Variants in LTBP2 observed in about 807,000 individuals in gnomAD.
LTBP2 encodes the protein latent-transforming growth factor beta-binding protein 2.
A neutral mutation model predicts 210.6 loss-of-function variants in LTBP2; 103 were observed. That is an observed-to-expected ratio of 0.49 (90% confidence interval 0.42 to 0.58). LTBP2 has a LOEUF of 0.58. Among genes scored for constraint, LTBP2 ranks in the 20% least tolerant of loss-of-function variants. The pLI is 0.00. For synonymous variants in LTBP2, 1,007 were observed against 1,015.0 expected, an observed-to-expected ratio of 0.99 and a Z score of 0.15; for missense variants, 2,313 against 2,494.5, an observed-to-expected ratio of 0.93 and a Z score of 1.55.
In LTBP2 at chr14:74,586,640, G is replaced by A. The variant is rs1192859523; in HGVS notation, c.566-522C>T. Among the ~76,000 whole-genome samples the A allele has an allele frequency of 6.6e-6, 1 of 152,186 alleles. No homozygotes were observed. Among genetic ancestry groups the A allele is most frequent in the Non-Finnish European group, 1.5e-5 (1 of 68,038 alleles). On this transcript the variant is annotated intron_variant, in intron 2 of 35. Coordinates refer to ENST00000261978, the MANE Select transcript of LTBP2 (RefSeq NM_000428.3). The surrounding 1 kb of genome is among the most constrained non-coding windows in gnomAD (Gnocchi z 4.6). ...TTTCCTGTCACTTGTGAGCTGCATG[G>A]TCTTGACTTCACTGAGCCTCTATTT...
chr14:74,550,045 A>G (rs1595269177), intron 7 of LTBP2, 80 bp from the exon 8 acceptor site: 1 of 937,636 alleles, frequency 1.1e-6, no homozygotes, highest in East Asian at 2.4e-5. Flanking sequence ...GGGAAAGCCT[A>G]GGACACAGAG....
chr14:74,573,670 A>G (rs1313144836), intron 3 of LTBP2, among the ~76,000 whole-genome samples: 2 of 152,206 alleles, frequency 1.3e-5, no homozygotes, highest in Admixed American at 1.3e-4. Flanking sequence ...ATACTCCACC[A>G]TTATTCATTG....
At chr14:74,551,489 G>A in intron 6 of LTBP2, 139 bp from the exon 7 acceptor site, 1 of 857,624 alleles carries the variant, frequency 1.2e-6, no homozygotes, top group Non-Finnish European at 1.7e-6. Flanking sequence ...CCATTTCTTT[G>A]CTCCCAAGTT....
chr14:74,521,488 TG>T (rs1221608772), intron 17 of LTBP2, among the ~76,000 whole-genome samples: 1 of 152,112 alleles, frequency 6.6e-6, no homozygotes, highest in East Asian at 1.9e-4. Context: ...TGAGGAGCCG[TG>T]CTCCTCGTTC....
At chr14:74,511,597 G>T (rs1272193432) in intron 18 of LTBP2, among the ~76,000 whole-genome samples, 1 of 152,236 alleles carries the variant, frequency 6.6e-6, no homozygotes, top group African/African-American at 2.4e-5. Flanking sequence ...CCCTGGGTGG[G>T]TGCAGTAGGC....
chr14:74,606,499 T>C (rs2088528745), intron 1 of LTBP2, among the ~76,000 whole-genome samples: 2 of 152,332 alleles, frequency 1.3e-5, no homozygotes, highest in South Asian at 4.1e-4. Flanking sequence ...GGTCTACTGA[T>C]TAAAATCCTT....
chr14:74,606,715 T>C (rs1031675640), intron 1 of LTBP2, among the ~76,000 whole-genome samples: 2 of 152,188 alleles, frequency 1.3e-5, no homozygotes, highest in South Asian at 2.1e-4. Flanking sequence ...GGTAAGCACC[T>C]GTAGTCCCAG....
At chr14:74,576,649 A>G (rs1298751927) in intron 3 of LTBP2, among the ~76,000 whole-genome samples, 2 of 151,270 alleles carry the variant, frequency 1.3e-5, no homozygotes, top group Non-Finnish European at 2.9e-5. Context: ...CTCTTGGGGT[A>G]CCTGTCACAG....
chr14:74,566,175 G>A (rs918912082), intron 3 of LTBP2, among the ~76,000 whole-genome samples: 1 of 151,912 alleles, frequency 6.6e-6, no homozygotes, highest in African/African-American at 2.4e-5. Context: ...TTGATATTTC[G>A]TGGTACTCCT....
In LTBP2 at chr14:74,555,575, G is replaced by C; in HGVS notation, c.949C>G (p.Pro317Ala). 1.2e-6 allele frequency: 2 copies of C among 1,612,556 alleles called. No homozygotes were observed. Among genetic ancestry groups the C allele is most frequent in the Non-Finnish European group, 1.7e-6 (2 of 1,179,144 alleles). The change falls in exon 4 of 36, where the codon CCG (proline) becomes GCG (alanine). Residue 317 changes from proline to alanine, a missense_variant. Coordinates refer to ENST00000261978, the MANE Select transcript of LTBP2 (RefSeq NM_000428.3). The stretch of plus-strand genomic sequence containing the variant: ...TCTCTCTGCTCAAGGCCTGGTCCCG[G>C]GGGCAGGGCGTTGGAAGAGAGCTGG... ...SSQLSSNALP[P>A]GPGLEQRDGT... is the part of the protein sequence containing the mutation.
intron 4 of LTBP2, among the ~76,000 whole-genome samples, chr14:74,554,134 G>T (rs1484424149): frequency 2.6e-5 from 4 of 152,124 alleles, no homozygotes; most frequent in African/African-American, 4.8e-5. Context: ...CCTCAAGATG[G>T]CGTGAAAGGA....
intron 8 of LTBP2, 71 bp downstream of exon 8, chr14:74,549,792 A>T (rs1157382483): frequency 1.5e-6 from 2 of 1,301,758 alleles, no homozygotes; most frequent in African/African-American, 1.5e-5. Context: ...TGGAGGGGAA[A>T]CCCTGGCAGG....
Position 74,503,607 on chromosome 14 carries a change from C to G in LTBP2, c.4583-1G>C, listed in dbSNP as rs2086944274. On this transcript the variant is annotated splice_acceptor_variant, in intron 31 of 35. Transcript: ENST00000261978. LOFTEE classifies it high-confidence loss of function. ...GCCAGGTCCTGGCACTCATCGTGAT[C>G]TGGGGAGGCAGGAAAGGGTGGGGCA... 1.2e-6 allele frequency: 2 copies of G among 1,613,466 alleles called. No individual in the cohort carries two copies. The highest frequency in any genetic ancestry group is 8.5e-7 in the Non-Finnish European group (1 of 1,180,010).
chr14:74,606,512 C>T (rs2088528857), intron 1 of LTBP2, among the ~76,000 whole-genome samples: 1 of 152,212 alleles, frequency 6.6e-6, no homozygotes. Flanking sequence ...AAATCCTTTG[C>T]ATACTCCAAG....
At chr14:74,566,805 C>T (rs2087908916) in intron 3 of LTBP2, among the ~76,000 whole-genome samples, 2 of 152,128 alleles carry the variant, frequency 1.3e-5, no homozygotes, top group Non-Finnish European at 2.9e-5. Context: ...CTTGGCGCAC[C>T]CACCCAACCT....
chr14:74,579,064 C>T (rs2088100776), intron 3 of LTBP2, among the ~76,000 whole-genome samples: 1 of 152,226 alleles, frequency 6.6e-6, no homozygotes, highest in African/African-American at 2.4e-5. Flanking sequence ...GCCATGTTGG[C>T]CAGGCTCGTC....
At chr14:74,514,419 T>C (rs1041355037) in intron 18 of LTBP2, among the ~76,000 whole-genome samples, 8 of 152,210 alleles carry the variant, frequency 5.3e-5, no homozygotes, top group Non-Finnish European at 5.9e-5. Flanking sequence ...AAAGGGCCCA[T>C]GGCAACAATC....
intron 3 of LTBP2, among the ~76,000 whole-genome samples, chr14:74,581,103 G>C (rs1204527280): frequency 6.6e-6 from 1 of 152,202 alleles, no homozygotes; most frequent in Non-Finnish European, 1.5e-5. Context: ...GAGTGGTGAG[G>C]GTGGACACTG....
At chr14:74,521,840 AAC>A in intron 17 of LTBP2, 69 bp downstream of exon 17, 4 of 1,601,756 alleles carry the variant, frequency 2.5e-6, no homozygotes, top group Non-Finnish European at 3.4e-6. Context: ...TGGGGGTGTG[AAC>A]CCCTGGTTCC....
Sources: allele counts gnomAD v4.1 joint callset (sites outside exome capture counted in the v4.1 genomes callset), GRCh38; gene constraint gnomAD v4.1.1; non-coding constraint Gnocchi (gnomAD v3.1); transcripts MANE v1.5; gene names NCBI Gene and HGNC (gene_info 2026-07-23, HGNC 2026-07-21).